The following ROBO1 variants were observed in gnomAD, a reference collection of about 807,000 sequenced individuals.
ROBO1 encodes the protein roundabout homolog 1.
ROBO1 carries 149 observed loss-of-function variants against 195.9 expected under a neutral mutation model. The ratio of observed to expected loss-of-function variants is 0.76; its 90% CI spans 0.67 to 0.87. ROBO1 has a LOEUF of 0.87. Among genes scored for constraint, ROBO1 ranks in the 40% least tolerant of loss-of-function variants. The pLI is 0.00. For synonymous variants in ROBO1, 816 were observed against 733.2 expected, an observed-to-expected ratio of 1.11 and a Z score of -1.82; for missense variants, 1,933 against 2,068.3, an observed-to-expected ratio of 0.93 and a Z score of 1.27.
At chr3:78,638,185 A>G (rs973810) in intron 22 of ROBO1, among the ~76,000 whole-genome samples, 27,027 of 145,624 alleles carry the variant, frequency 0.19, 2,852 homozygotes, top group East Asian at 0.44. Flanking sequence ...GTGTGTGTGT[A>G]TATATATGTG....
intron 2 of ROBO1, among the ~76,000 whole-genome samples, chr3:79,503,022 G>C (rs188175821): frequency 5.3e-5 from 8 of 152,166 alleles, no homozygotes; most frequent in South Asian, 2.1e-4. Flanking sequence ...AGCAGGCTGC[G>C]TGAGCTAACA....
intron 4 of ROBO1, chr3:78,938,351 C>A (rs1438273648): frequency 9.5e-6 from 4 of 420,626 alleles, no homozygotes; most frequent in African/African-American, 4.0e-5. Flanking sequence ...TAAAACTTTC[C>A]AACAGAAAAT....
chr3:79,732,291 C>A (rs1346695543), intron 1 of ROBO1, among the ~76,000 whole-genome samples: 10 of 151,640 alleles, frequency 6.6e-5, no homozygotes, highest in African/African-American at 2.4e-4. Context: ...AAATTTGAGA[C>A]TAGATCAGTC....
rs569882882 is a variant in ROBO1 at position 79,181,050 on chromosome 3, C to T, written c.89-55511G>A. Among the ~76,000 whole-genome samples, 2 of 152,162 alleles carry T rather than the reference C, an allele frequency of 1.3e-5. 1 individual carries two copies. The highest frequency in any genetic ancestry group is 4.1e-4 in the South Asian group (2 of 4,828). ...GAAAGTGCTGTATTTCCTCTTATTT[C>T]TAATTTTCCTAGACTTTCTCTTTCC... On this transcript the variant is annotated intron_variant, in intron 2 of 30. Transcript: ENST00000464233.
intron 1 of ROBO1, among the ~76,000 whole-genome samples, chr3:79,628,158 C>T (rs1354698580): frequency 6.6e-6 from 1 of 152,128 alleles, no homozygotes; most frequent in African/African-American, 2.4e-5. Flanking sequence ...GAATATAAGT[C>T]ATTCTATTAT....
intron 22 of ROBO1, among the ~76,000 whole-genome samples, chr3:78,637,675 A>G (rs1344339529): frequency 6.6e-6 from 1 of 152,160 alleles, no homozygotes; most frequent in Non-Finnish European, 1.5e-5. Context: ...GTCTCAACCC[A>G]GTTTTTCTTG....
chr3:79,057,676 C>A (rs1467260998), intron 3 of ROBO1, among the ~76,000 whole-genome samples: 1 of 152,034 alleles, frequency 6.6e-6, no homozygotes, highest in Non-Finnish European at 1.5e-5. Flanking sequence ...ATCTCGCTTA[C>A]AATGGGTTTT....
intron 3 of ROBO1, among the ~76,000 whole-genome samples, chr3:79,089,161 T>G (rs2108484179): frequency 6.6e-6 from 1 of 152,256 alleles, no homozygotes; most frequent in East Asian, 1.9e-4. Flanking sequence ...CTGAATTTCC[T>G]TATACATTTT....
intron 2 of ROBO1, among the ~76,000 whole-genome samples, chr3:79,307,080 G>A (rs890432910): frequency 1.3e-5 from 2 of 150,900 alleles, no homozygotes; most frequent in African/African-American, 4.9e-5. Context: ...AGGGAGGGGG[G>A]TCGGGGAAGC....
At chr3:79,545,095 T>C (rs1415360297) in intron 2 of ROBO1, among the ~76,000 whole-genome samples, 2 of 151,928 alleles carry the variant, frequency 1.3e-5, no homozygotes, top group African/African-American at 4.8e-5. Flanking sequence ...ATGGATAGAA[T>C]TAAAAAAAGA....
chr3:79,531,578 C>CT (rs888135950), intron 2 of ROBO1, among the ~76,000 whole-genome samples: 2 of 152,054 alleles, frequency 1.3e-5, no homozygotes, highest in South Asian at 2.1e-4. Flanking sequence ...ATAACGTAAA[C>CT]TTTTTTCTGT....
intron 4 of ROBO1, among the ~76,000 whole-genome samples, chr3:78,807,760 T>C (rs1019430065): frequency 2.0e-5 from 3 of 152,166 alleles, no homozygotes; most frequent in Non-Finnish European, 4.4e-5. Context: ...AGCACATGCA[T>C]GTGTGTGTTT....
intron 4 of ROBO1, among the ~76,000 whole-genome samples, chr3:78,879,699 T>C (rs1237361152): frequency 6.6e-6 from 1 of 152,004 alleles, no homozygotes; most frequent in East Asian, 1.9e-4. Flanking sequence ...GATTCCGCAT[T>C]GACTCCTAGC....
At chr3:79,545,189 A>G (rs1942220087) in intron 2 of ROBO1, among the ~76,000 whole-genome samples, 1 of 152,202 alleles carries the variant, frequency 6.6e-6, no homozygotes, top group South Asian at 2.1e-4. Flanking sequence ...ATGTGGACAC[A>G]TCGTGAATTC....
At position 79,673,659 on chromosome 3, in the gene ROBO1, T is replaced by C. The variant is rs181367378; in HGVS notation, c.-50-83698A>G. 2.4e-4 allele frequency among the ~76,000 whole-genome samples: 37 copies of C among 152,118 alleles called. No homozygotes were observed. The East Asian group carries it at 7.2e-3, about 30-fold the overall frequency. On this transcript the variant is annotated intron_variant, in intron 1 of 30. Coordinates refer to ENST00000464233, the MANE Select transcript of ROBO1 (RefSeq NM_002941.4). ...TATATTGGGTAAAAAATTTGGTTCT[T>C]TATTTTTGAATAGCAAGAATAACTT... is the stretch of plus-strand genomic sequence containing the variant.
intron 3 of ROBO1, among the ~76,000 whole-genome samples, chr3:78,974,237 T>C (rs1053420119): frequency 5.3e-5 from 8 of 151,964 alleles, no homozygotes; most frequent in Admixed American, 1.3e-4. Context: ...TCTCTTGAAA[T>C]ACAACATTAA....
intron 4 of ROBO1, among the ~76,000 whole-genome samples, chr3:78,901,325 G>A (rs2107471959): frequency 6.6e-6 from 1 of 152,122 alleles, no homozygotes; most frequent in East Asian, 1.9e-4. Context: ...TTTCATTCAG[G>A]CAACAAAAAT....
intron 2 of ROBO1, among the ~76,000 whole-genome samples, chr3:79,387,902 G>A (rs901435625): frequency 3.3e-5 from 5 of 152,022 alleles, no homozygotes; most frequent in Non-Finnish European, 7.4e-5. Flanking sequence ...TCATGTGGAC[G>A]GCCTTATGAG....
intron 4 of ROBO1, among the ~76,000 whole-genome samples, chr3:78,840,954 T>C (rs1297818634): frequency 2.0e-5 from 3 of 150,930 alleles, no homozygotes; most frequent in African/African-American, 7.3e-5. Context: ...CCCAGCTACT[T>C]GGGAGGCTGA....
Sources: allele counts gnomAD v4.1 joint callset (sites outside exome capture counted in the v4.1 genomes callset), GRCh38; gene constraint gnomAD v4.1.1; transcripts MANE v1.5; gene names NCBI Gene and HGNC (gene_info 2026-07-23, HGNC 2026-07-21).